OCIAD1: variants seen among roughly 807,000 people sequenced by gnomAD.
OCIAD1 encodes OCIA domain-containing protein 1.
In OCIAD1, 29 loss-of-function variants were observed where a neutral mutation model predicts 38.9. The observed-to-expected ratio is 0.74, with a 90% CI of 0.55 to 1.02. The LOEUF is 1.02. OCIAD1 is among the 50% of genes least tolerant of loss of function. The probability of loss-of-function intolerance (pLI) is 0.00; values close to 1 mark genes in which losing one functional copy is unlikely to be tolerated. For missense variants in OCIAD1, 288 were observed against 289.6 expected, an observed-to-expected ratio of 0.99 and a Z score of 0.04; for synonymous variants, 110 against 92.0, an observed-to-expected ratio of 1.20 and a Z score of -1.12.
At chr4:48,835,654 T>G (rs894223353) in intron 3 of OCIAD1, among the ~76,000 whole-genome samples, 1 of 152,084 alleles carries the variant, frequency 6.6e-6, no homozygotes, top group Admixed American at 6.5e-5. Context: ...AGGCTAATCT[T>G]GAACCCCTGA....
At chr4:48,815,049 C>T (rs754311241) in intron 1 of OCIAD1, among the ~76,000 whole-genome samples, 8 of 152,192 alleles carry the variant, frequency 5.3e-5, no homozygotes, top group Non-Finnish European at 1.0e-4. Context: ...TGCAGTGGCT[C>T]ACGCCTGTAA....
At chr4:48,819,554 G>A (rs1421023958) in intron 1 of OCIAD1, among the ~76,000 whole-genome samples, 4 of 151,800 alleles carry the variant, frequency 2.6e-5, no homozygotes, top group African/African-American at 9.7e-5. Context: ...AACAATGTTA[G>A]CCTTCAGTGT....
rs1777448557 is a variant in OCIAD1, at chr4:48,831,184, C to T, written c.-71C>T. 6.2e-6 allele frequency: 2 copies of T among 324,622 alleles called. No homozygotes were observed. The highest frequency in any genetic ancestry group is 4.3e-5 in the African/African-American group (2 of 46,192). The allele number at this position is 324,622 out of a possible 1,614,324, so 20.1% of individuals were successfully genotyped here. ...CCCTCCCTGCCCCCTCTCGAGTCCA[C>T]CCTCCGGGCCTTCTGCCCCTGATCG... On this transcript the variant is annotated 5_prime_UTR_variant, in exon 1 of 9. Coordinates refer to ENST00000264312, the MANE Select transcript of OCIAD1 (RefSeq NM_017830.4).
intron 3 of OCIAD1, among the ~76,000 whole-genome samples, chr4:48,835,158 T>C (rs1777871313): frequency 6.6e-6 from 1 of 152,168 alleles, no homozygotes; most frequent in Admixed American, 6.5e-5. Context: ...GATCTCGAAC[T>C]CCTGACCTCA....
chr4:48,831,879 T>G (rs1406263599), intron 1 of OCIAD1, among the ~76,000 whole-genome samples: 1 of 152,328 alleles, frequency 6.6e-6, no homozygotes, highest in South Asian at 2.1e-4. Flanking sequence ...CCTGTTTCCA[T>G]GCAAATTGTT....
At chr4:48,826,519 A>G (rs1047777058), upstream of OCIAD1, among the ~76,000 whole-genome samples, 1 of 152,162 alleles carries the variant, frequency 6.6e-6, no homozygotes, top group Admixed American at 6.6e-5. Context: ...TTCCTGGAAT[A>G]CTATATTTTC....
intron 1 of OCIAD1, among the ~76,000 whole-genome samples, chr4:48,816,447 C>T (rs759281392): frequency 2.0e-5 from 3 of 150,834 alleles, no homozygotes; most frequent in East Asian, 3.9e-4. Flanking sequence ...GCAGGGGAAT[C>T]GCTTGAACCT....
intron 1 of OCIAD1, among the ~76,000 whole-genome samples, chr4:48,818,272 A>G (rs1003354305): frequency 1.3e-5 from 2 of 152,202 alleles, no homozygotes; most frequent in African/African-American, 4.8e-5. Flanking sequence ...GGTGATACCC[A>G]GGTGAACAGG....
chr4:48,813,497 T>C (rs1777112175), intron 1 of OCIAD1, among the ~76,000 whole-genome samples: 1 of 152,108 alleles, frequency 6.6e-6, no homozygotes, highest in African/African-American at 2.4e-5. Flanking sequence ...CTACAAAAAA[T>C]ACAAAAATTA....
At chr4:48,821,523 G>A (rs1214172618) in intron 1 of OCIAD1, among the ~76,000 whole-genome samples, 2 of 152,058 alleles carry the variant, frequency 1.3e-5, no homozygotes, top group Non-Finnish European at 2.9e-5. Flanking sequence ...CCTATTTAAC[G>A]TAGTATTGGA....
chr4:48,824,521 C>T (rs1777229116), intron 1 of OCIAD1, among the ~76,000 whole-genome samples: 1 of 151,896 alleles, frequency 6.6e-6, no homozygotes, highest in African/African-American at 2.4e-5. Context: ...GCTAGGACTA[C>T]AGGCATGCAC....
At chr4:48,836,452 C>T (rs1266862233) in intron 3 of OCIAD1, among the ~76,000 whole-genome samples, 1 of 152,072 alleles carries the variant, frequency 6.6e-6, no homozygotes, top group Non-Finnish European at 1.5e-5. Context: ...GTTCATGGTG[C>T]AACATTCGAT....
At chr4:48,839,429 T>TC (rs1216634870) in intron 3 of OCIAD1, among the ~76,000 whole-genome samples, 27 of 118,136 alleles carry the variant, frequency 2.3e-4, no homozygotes, top group Admixed American at 1.6e-3. Flanking sequence ...AAGCGAGACT[T>TC]CATCTCAAAA....
chr4:48,810,547 G>A (rs1369591487), intron 1 of OCIAD1, among the ~76,000 whole-genome samples: 2 of 151,664 alleles, frequency 1.3e-5, no homozygotes, highest in East Asian at 3.9e-4. Context: ...GGGCTCAAGG[G>A]ATTCTCTTAT....
upstream of OCIAD1, among the ~76,000 whole-genome samples, chr4:48,829,405 T>C (rs1777312008): frequency 6.6e-6 from 1 of 152,376 alleles, no homozygotes; most frequent in African/African-American, 2.4e-5. Flanking sequence ...TTCAACAAAT[T>C]CATTTAAGAA....
intron 1 of OCIAD1, among the ~76,000 whole-genome samples, chr4:48,816,374 G>C (rs1308355529): frequency 3.9e-5 from 6 of 151,988 alleles, no homozygotes; most frequent in South Asian, 2.1e-4. Flanking sequence ...AGACCATCCT[G>C]GCCAAAAAAT....
chr4:48,812,873 C>T (rs1777104959), intron 1 of OCIAD1, among the ~76,000 whole-genome samples: 1 of 152,152 alleles, frequency 6.6e-6, no homozygotes. Context: ...AATTTTCTTA[C>T]AGTGAAGAGA....
chr4:48,853,053 G>C (rs1779676742), intron 7 of OCIAD1, among the ~76,000 whole-genome samples: 1 of 151,672 alleles, frequency 6.6e-6, no homozygotes, highest in Non-Finnish European at 1.5e-5. Flanking sequence ...CTAATTTTTT[G>C]TATTTTTAGT....
chr4:48,806,250 G>GTGACAC (rs1396905262), intron 1 of OCIAD1, among the ~76,000 whole-genome samples: 2 of 152,132 alleles, frequency 1.3e-5, no homozygotes, highest in Non-Finnish European at 1.5e-5. Context: ...CTGGGTGACA[G>GTGACAC]TGACACTCTG....
Sources: allele counts gnomAD v4.1 joint callset (sites outside exome capture counted in the v4.1 genomes callset), GRCh38; gene constraint gnomAD v4.1.1; transcripts MANE v1.5; gene names NCBI Gene and HGNC (gene_info 2026-07-23, HGNC 2026-07-21).